ROBO2: variants seen among roughly 807,000 people sequenced by gnomAD.
ROBO2 encodes the protein roundabout homolog 2.
A neutral mutation model predicts 160.8 loss-of-function variants in ROBO2; 53 were observed. The ratio of observed to expected loss-of-function variants is 0.33; its 90% CI spans 0.26 to 0.41. The LOEUF (loss-of-function observed/expected upper bound fraction) is 0.41, where lower values mean the gene tolerates loss of function less well. ROBO2 is among the 10% of genes least tolerant of loss of function. The pLI, the probability that ROBO2 is intolerant of heterozygous loss-of-function variation, is 1.00. For missense variants in ROBO2, 1,577 were observed against 1,722.4 expected (o/e 0.92, Z 1.49); for synonymous variants, 664 against 611.7 (o/e 1.09, Z -1.26).
intron 2 of ROBO2, among the ~76,000 whole-genome samples, chr3:76,743,926 G>C (rs1560483187): frequency 6.6e-6 from 1 of 152,106 alleles, no homozygotes; most frequent in African/African-American, 2.4e-5. Flanking sequence ...AATGGAATGG[G>C]GACTGAGGAA....
chr3:76,507,895 T>C (rs2080875310), intron 2 of ROBO2, among the ~76,000 whole-genome samples: 1 of 152,142 alleles, frequency 6.6e-6, no homozygotes, highest in African/African-American at 2.4e-5. Flanking sequence ...ATCAAAGTCA[T>C]GAGGACATAT....
chr3:77,079,638 C>G (rs148364031), intron 1 of ROBO2, among the ~76,000 whole-genome samples: 1 of 152,168 alleles, frequency 6.6e-6, no homozygotes, highest in Non-Finnish European at 1.5e-5. Flanking sequence ...TTCATATGTT[C>G]TTAGTCCCTT....
chr3:76,644,164 T>C (rs1158004344), intron 2 of ROBO2, among the ~76,000 whole-genome samples: 1 of 152,178 alleles, frequency 6.6e-6, no homozygotes, highest in Admixed American at 6.5e-5. Context: ...TATCAATGCT[T>C]ACAGCCCTTG....
chr3:76,672,376 ATCTT>A (rs1575853809), intron 2 of ROBO2, among the ~76,000 whole-genome samples: 1 of 152,188 alleles, frequency 6.6e-6, no homozygotes, highest in South Asian at 2.1e-4. Context: ...ACTAGACAAT[ATCTT>A]TATTTTGGAA....
intron 2 of ROBO2, among the ~76,000 whole-genome samples, chr3:76,114,310 T>C (rs1229948320): frequency 6.6e-6 from 1 of 152,108 alleles, no homozygotes; most frequent in Non-Finnish European, 1.5e-5. Flanking sequence ...TGGCTTTTCA[T>C]GAAATTAATT....
At chr3:76,347,855 A>G (rs1314838441) in intron 2 of ROBO2, among the ~76,000 whole-genome samples, 1 of 152,156 alleles carries the variant, frequency 6.6e-6, no homozygotes, top group African/African-American at 2.4e-5. Context: ...ATCATACTAT[A>G]TATTAAGCAA....
At chr3:76,831,889 G>T (rs916840950) in intron 2 of ROBO2, among the ~76,000 whole-genome samples, 2 of 152,160 alleles carry the variant, frequency 1.3e-5, no homozygotes, top group East Asian at 3.9e-4. Flanking sequence ...CCAGGGGGAA[G>T]ATATGTCCTG....
intron 2 of ROBO2, among the ~76,000 whole-genome samples, chr3:76,461,544 C>T (rs1293710273): frequency 6.6e-6 from 1 of 151,960 alleles, no homozygotes; most frequent in Admixed American, 6.5e-5. Context: ...AGCTTTAAAC[C>T]TTTAGAATAA....
chr3:75,965,628 A>T (rs528353917), intron 2 of ROBO2, among the ~76,000 whole-genome samples: 1 of 7,360 alleles, frequency 1.4e-4, no homozygotes, highest in Non-Finnish European at 1.8e-3. Flanking sequence ...TATTTTGTAT[A>T]TATTTGGTAT....
intron 23 of ROBO2, among the ~76,000 whole-genome samples, chr3:77,628,739 A>G (rs970471266): frequency 6.6e-6 from 1 of 152,212 alleles, no homozygotes; most frequent in Middle Eastern, 3.2e-3. Context: ...GACAAAGAGA[A>G]GGAGAGAGAA....
chr3:77,628,514 C>CT, intron 23 of ROBO2, among the ~76,000 whole-genome samples: 1 of 151,074 alleles, frequency 6.6e-6, no homozygotes, highest in Non-Finnish European at 1.5e-5. Flanking sequence ...AACATTTTTC[C>CT]TTTTTTCAGA....
intron 2 of ROBO2, among the ~76,000 whole-genome samples, chr3:76,952,200 T>C (rs1208066523): frequency 6.6e-6 from 1 of 152,214 alleles, no homozygotes; most frequent in Admixed American, 6.5e-5. Context: ...TCTGGTATAA[T>C]AGATGGTTGC....
At chr3:76,897,924 T>G (rs1408393080) in intron 2 of ROBO2, among the ~76,000 whole-genome samples, 1 of 152,144 alleles carries the variant, frequency 6.6e-6, no homozygotes, top group Non-Finnish European at 1.5e-5. Context: ...ACTGATTTGT[T>G]GTTTGTAGAA....
rs753502181 is a variant in ROBO2 at position 76,604,524 on chromosome 3, A to G, written c.110-493490A>G. ...AGTAAAAAAAGCAATACTCAATGAAACTTTTATTTTGCAAATTTAGTAGAT... is the reference window on the plus strand; with the variant it reads ...AGTAAAAAAAGCAATACTCAATGAAGCTTTTATTTTGCAAATTTAGTAGAT... On this transcript the variant is annotated intron_variant, in intron 2 of 26. Coordinates refer to the ROBO2 transcript ENST00000487694. Among the ~76,000 whole-genome samples the G allele has an allele frequency of 2.6e-5, 4 of 152,112 alleles. 1 individual carries two copies. Among genetic ancestry groups the G allele is most frequent in the Non-Finnish European group, 5.9e-5 (4 of 67,992 alleles).
At chr3:76,265,825 G>T (rs1707065143) in intron 2 of ROBO2, among the ~76,000 whole-genome samples, 1 of 152,108 alleles carries the variant, frequency 6.6e-6, no homozygotes, top group Admixed American at 6.6e-5. Context: ...ACAGTGAACA[G>T]ATTTGTCTGT....
chr3:76,812,345 G>A lies in ROBO2; in HGVS notation c.110-285669G>A, dbSNP rs1426642767. Among the ~76,000 whole-genome samples, 29 of 94,402 alleles carry A rather than the reference G, an allele frequency of 3.1e-4. 1 individual carries two copies. Among genetic ancestry groups the A allele is most frequent in the South Asian group, 6.5e-4 (2 of 3,074 alleles). 61.9% of individuals were successfully genotyped at this position (94,402 alleles called of 152,430 possible). On this transcript the variant is annotated intron_variant, in intron 2 of 26. Transcript: ENST00000487694. The stretch of plus-strand genomic sequence containing the variant: ...CAAATTTTAAAGATAAAAGCTATTT[G>A]AAAAAAAAAAAAAAAAAACGTGTTT...
chr3:76,725,257 T>C (rs1009266442), intron 2 of ROBO2, among the ~76,000 whole-genome samples: 1 of 152,144 alleles, frequency 6.6e-6, no homozygotes, highest in Non-Finnish European at 1.5e-5. Flanking sequence ...TTATCCCTAA[T>C]ATCTAACATG....
intron 5 of ROBO2, among the ~76,000 whole-genome samples, chr3:77,515,209 G>C (rs1462096261): frequency 2.0e-5 from 3 of 151,714 alleles, no homozygotes; most frequent in African/African-American, 7.3e-5. Flanking sequence ...TATTCATAAA[G>C]GTATCATAAT....
chr3:76,791,328 C>T lies in ROBO2; in HGVS notation c.110-306686C>T, dbSNP rs144306662. On this transcript the variant is annotated intron_variant, in intron 2 of 26. Coordinates refer to the ROBO2 transcript ENST00000487694. Reference sequence around the variant, plus strand: ...ACAACTATCCTTGCCTCTTGCTGTCCCCAGCCCTGTGTGATACTCTCTCAT... The same window carrying T: ...ACAACTATCCTTGCCTCTTGCTGTCTCCAGCCCTGTGTGATACTCTCTCAT... 5.0e-4 allele frequency among the ~76,000 whole-genome samples: 76 copies of T among 151,776 alleles called. 1 individual carries two copies. The East Asian group carries it at 0.013, about 26-fold the overall frequency.
Sources: gnomAD v4.1 joint callset for allele counts (sites outside exome capture counted in the v4.1 genomes callset) on GRCh38, gnomAD v4.1.1 for gene constraint, MANE v1.5 for transcripts, NCBI Gene and HGNC (gene_info 2026-07-23, HGNC 2026-07-21) for gene names.